The following DHX35 variants were observed in gnomAD, a reference collection of about 807,000 sequenced individuals.
DHX35 encodes the protein DEAH-box helicase 35, also known as probable ATP-dependent RNA helicase DHX35.
A neutral mutation model predicts 99.6 loss-of-function variants in DHX35; 84 were observed. The ratio of observed to expected loss-of-function variants is 0.84; its 90% CI spans 0.71 to 1.01. DHX35 has a LOEUF of 1.01. DHX35 is among the 50% of genes least tolerant of loss of function. The pLI is 0.00. For missense variants in DHX35, 852 were observed against 888.5 expected (o/e 0.96, Z 0.52); for synonymous variants, 331 against 316.2 (o/e 1.05, Z -0.50).
intron 19 of DHX35, 134 bp downstream of exon 19, chr20:39,028,633 G>C: frequency 3.0e-6 from 3 of 1,010,504 alleles, no homozygotes; most frequent in Non-Finnish European, 4.4e-6. Flanking sequence ...CCAAAACTGA[G>C]TTGAGGTTAG....
chr20:39,037,506 C>T (rs1032836141), intron 21 of DHX35, among the ~76,000 whole-genome samples: 2 of 152,084 alleles, frequency 1.3e-5, no homozygotes, highest in African/African-American at 2.4e-5. Context: ...GCTGTGTCTT[C>T]GTTCACGCCC....
intron 18 of DHX35, 34 bp from the exon 19 acceptor site, chr20:39,028,384 G>A (rs371725747): frequency 5.3e-5 from 85 of 1,610,806 alleles, no homozygotes; most frequent in Admixed American, 1.5e-4. Context: ...GCAGGCAAGG[G>A]TTTCACCCGC....
At chr20:39,021,050 A>G (rs988866823) in intron 15 of DHX35, among the ~76,000 whole-genome samples, 2 of 151,936 alleles carry the variant, frequency 1.3e-5, no homozygotes, top group Non-Finnish European at 2.9e-5. Flanking sequence ...AGTGTAGTGT[A>G]CTCTGCCTTG....
chr20:38,994,286 A>G (rs556889135), intron 7 of DHX35, among the ~76,000 whole-genome samples: 16 of 151,540 alleles, frequency 1.1e-4, no homozygotes, highest in African/African-American at 3.1e-4. Flanking sequence ...ATAGATGGGG[A>G]AAAAAAAATC....
At chr20:38,995,360 A>G (rs1168024243) in intron 8 of DHX35, among the ~76,000 whole-genome samples, 1 of 152,168 alleles carries the variant, frequency 6.6e-6, no homozygotes, top group Non-Finnish European at 1.5e-5. Flanking sequence ...CCCCGTCTCT[A>G]CTAAAAATGC....
chr20:39,015,716 G>A (rs115759102), intron 14 of DHX35, among the ~76,000 whole-genome samples: 4 of 151,740 alleles, frequency 2.6e-5, no homozygotes, highest in African/African-American at 4.8e-5. Context: ...CAATTCACTC[G>A]TTTACAGTGT....
chr20:38,998,042 G>A (rs2086458933), intron 8 of DHX35, among the ~76,000 whole-genome samples: 4 of 152,242 alleles, frequency 2.6e-5, no homozygotes, highest in Admixed American at 6.5e-5. Flanking sequence ...GGCTGCAGCC[G>A]GGAGGCAGAG....
intron 4 of DHX35, 150 bp downstream of exon 4, chr20:38,983,926 C>G: frequency 2.8e-6 from 2 of 709,668 alleles, no homozygotes; most frequent in Non-Finnish European, 4.5e-6. Flanking sequence ...TATTTTTTTC[C>G]TCAGACAGAG....
intron 2 of DHX35, 113 bp from the exon 3 acceptor site, chr20:38,972,446 A>G (rs1350494404): frequency 2.9e-6 from 2 of 678,082 alleles, no homozygotes; most frequent in East Asian, 5.4e-5. Flanking sequence ...TGATAGTTCT[A>G]CTTAAAATTC....
At chr20:38,978,874 T>G (rs1438849663) in intron 3 of DHX35, among the ~76,000 whole-genome samples, 3 of 152,224 alleles carry the variant, frequency 2.0e-5, no homozygotes, top group African/African-American at 7.2e-5. Flanking sequence ...TTATATGTGG[T>G]GAGAGTTAGG....
At chr20:38,991,601 C>A in intron 6 of DHX35, 86 bp downstream of exon 6, 1 of 1,212,188 alleles carries the variant, frequency 8.2e-7, no homozygotes, top group Non-Finnish European at 1.2e-6. Context: ...AGCTGGGATT[C>A]ACGTCTGTGT....
In DHX35 at chr20:38,972,558, G is replaced by A. The variant is rs79685926; in HGVS notation, c.175-1G>A. ...TTGCAAGGTGTGTTATTCTTTTTCAGCTTAGGAATCATATTTTATACTTGA... is the reference window on the plus strand; with the variant it reads ...TTGCAAGGTGTGTTATTCTTTTTCAACTTAGGAATCATATTTTATACTTGA... On this transcript the variant is annotated splice_acceptor_variant, in intron 2 of 21. Transcript: ENST00000252011. LOFTEE classifies it high-confidence loss of function. 1 of 1,596,488 alleles carries A rather than the reference G, an allele frequency of 6.3e-7. No homozygotes were observed. The highest frequency in any genetic ancestry group is 8.6e-7 in the Non-Finnish European group (1 of 1,164,856).
chr20:39,016,844 G>A (rs2086793177), intron 14 of DHX35, among the ~76,000 whole-genome samples: 1 of 145,992 alleles, frequency 6.8e-6, no homozygotes, highest in Non-Finnish European at 1.5e-5. Context: ...CAAATCCTTT[G>A]CCCATTTTTA....
At chr20:39,030,561 T>C (rs943888894) in intron 19 of DHX35, 143 bp from the exon 20 acceptor site, 1 of 709,426 alleles carries the variant, frequency 1.4e-6, no homozygotes, top group Non-Finnish European at 2.3e-6. Flanking sequence ...TCAAGAAAGG[T>C]TGCAAGAGAA....
At chr20:39,034,481 C>G (rs1244640516) in intron 21 of DHX35, among the ~76,000 whole-genome samples, 164 bp downstream of exon 21, 1 of 152,184 alleles carries the variant, frequency 6.6e-6, no homozygotes, top group Non-Finnish European at 1.5e-5. Context: ...GGAAAGCACT[C>G]TAGCGTTTAA....
chr20:39,011,919 T>G (rs2086708243), intron 13 of DHX35, among the ~76,000 whole-genome samples: 1 of 152,126 alleles, frequency 6.6e-6, no homozygotes, highest in African/African-American at 2.4e-5. Context: ...AATGGACCCT[T>G]TGATTATTGG....
chr20:38,986,290 A>C (rs1202895663), intron 4 of DHX35, among the ~76,000 whole-genome samples: 2 of 152,110 alleles, frequency 1.3e-5, no homozygotes, highest in Non-Finnish European at 2.9e-5. Flanking sequence ...AGCAGAACTA[A>C]AGTGATAGAG....
chr20:39,036,411 G>T (rs1353464955), intron 21 of DHX35, among the ~76,000 whole-genome samples: 3 of 151,954 alleles, frequency 2.0e-5, no homozygotes, highest in African/African-American at 7.3e-5. Context: ...TTTTTAGAGA[G>T]GCTGGGACAG....
At chr20:39,028,740 T>C (rs555633127) in intron 19 of DHX35, among the ~76,000 whole-genome samples, 61 of 152,248 alleles carry the variant, frequency 4.0e-4, no homozygotes, top group Admixed American at 7.8e-4. Flanking sequence ...ATGACAATTA[T>C]ACATCTTGAG....
Sources: gnomAD v4.1 joint callset for allele counts (sites outside exome capture counted in the v4.1 genomes callset) on GRCh38, gnomAD v4.1.1 for gene constraint, MANE v1.5 for transcripts, NCBI Gene and HGNC (gene_info 2026-07-23, HGNC 2026-07-21) for gene names.